The following AFF3 variants were observed in gnomAD, a reference collection of about 807,000 sequenced individuals.
The protein encoded by AFF3 is ALF transcription elongation factor 3.
A neutral mutation model predicts 129.7 loss-of-function variants in AFF3; 32 were observed. The ratio of observed to expected loss-of-function variants is 0.25; its 90% CI spans 0.19 to 0.33. The LOEUF (loss-of-function observed/expected upper bound fraction) is 0.33. Ranked by LOEUF, AFF3 falls within the 10% of genes least tolerant of loss-of-function variation. AFF3 has a pLI of 1.00. For synonymous variants in AFF3, 644 were observed against 635.4 expected (o/e 1.01, Z -0.20); for missense variants, 1,373 against 1,592.0 (o/e 0.86, Z 2.34).
chr2:99,630,945 A>G (rs1683064948), intron 13 of AFF3: 1 of 428,354 alleles, frequency 2.3e-6, no homozygotes, highest in South Asian at 1.8e-5. Flanking sequence ...AGCAGAGAAC[A>G]CAGGGTTTCA....
intron 19 of AFF3, among the ~76,000 whole-genome samples, chr2:99,566,540 G>A (rs1049244488): frequency 2.0e-5 from 3 of 152,080 alleles, no homozygotes; most frequent in African/African-American, 7.2e-5. Flanking sequence ...ACAGCAAGAC[G>A]CTGTCTCTAA....
chr2:99,656,499 T>C (rs1380441449), intron 12 of AFF3, among the ~76,000 whole-genome samples: 2 of 152,258 alleles, frequency 1.3e-5, no homozygotes, highest in African/African-American at 4.8e-5. Context: ...AAGCACACTG[T>C]AAAATTTAGA....
At chr2:99,559,304 T>C (rs981969374) in intron 21 of AFF3, among the ~76,000 whole-genome samples, 2 of 151,430 alleles carry the variant, frequency 1.3e-5, no homozygotes, top group African/African-American at 2.4e-5. Context: ...GTAGCTCTAG[T>C]ACGCAGCCTT....
At chr2:100,031,437 T>C (rs1262496164) in intron 4 of AFF3, among the ~76,000 whole-genome samples, 1 of 152,172 alleles carries the variant, frequency 6.6e-6, no homozygotes, top group Non-Finnish European at 1.5e-5. Context: ...CATATAGAAA[T>C]GTATACATAC....
intron 2 of AFF3, chr2:100,106,356 T>C (rs572820813): frequency 1.7e-6 from 2 of 1,148,850 alleles, no homozygotes; most frequent in African/African-American, 1.6e-5. Context: ...GGTAAAAACA[T>C]AGAGAATATG....
chr2:99,672,570 T>G lies in AFF3; in HGVS notation c.1111A>C (p.Lys371Gln). 1 of 1,614,174 alleles carries G rather than the reference T, an allele frequency of 6.2e-7. No homozygotes were observed. The highest frequency in any genetic ancestry group is 2.2e-5 in the East Asian group (1 of 44,890). Reference sequence around the variant, plus strand: ...TTCTCCTCTTCATCACTGCTTAGCTTAAGGTCATCTTCCAGCATTCTGAAA... The same window carrying G: ...TTCTCCTCTTCATCACTGCTTAGCTGAAGGTCATCTTCCAGCATTCTGAAA... ...SNTSMLEDDLKLSSDEEENEQ... is the reference protein window; with the variant it reads ...SNTSMLEDDLQLSSDEEENEQ... The change falls in exon 12 of 25, where the codon AAG becomes CAG. Residue 371 changes from lysine (K) to glutamine (Q), a missense_variant. Around this residue, in one of 9 missense-constraint regions of AFF3, gnomAD observed 413 missense variants for 424.4 expected, o/e 0.97. Transcript: ENST00000672756.
chr2:99,725,304 A>G (rs1229471705), intron 11 of AFF3, among the ~76,000 whole-genome samples: 1 of 151,926 alleles, frequency 6.6e-6, no homozygotes, highest in African/African-American at 2.4e-5. Context: ...GTTATAAGAA[A>G]TAAGGTACAG....
At chr2:99,810,367 G>GAT in intron 8 of AFF3, among the ~76,000 whole-genome samples, 1 of 152,192 alleles carries the variant, frequency 6.6e-6, no homozygotes. Flanking sequence ...CCATCTGAGA[G>GAT]ATAATTACAA....
chr2:99,695,938 G>GAAAAAAAA (rs10719354), intron 11 of AFF3, among the ~76,000 whole-genome samples: 380 of 57,446 alleles, frequency 6.6e-3, no homozygotes, highest in South Asian at 9.2e-3. Context: ...CTGGAAAAAT[G>GAAAAAAAA]AAAAAAAAAA....
intron 12 of AFF3, 54 bp from the exon 13 acceptor site, chr2:99,649,720 C>T (rs777256904): frequency 1.4e-5 from 23 of 1,597,414 alleles, no homozygotes; most frequent in South Asian, 7.8e-5. Context: ...TTTTGAATTA[C>T]GTGCTCAATG....
chr2:99,708,368 G>A (rs935658396), intron 11 of AFF3, among the ~76,000 whole-genome samples: 2 of 152,102 alleles, frequency 1.3e-5, no homozygotes, highest in African/African-American at 4.8e-5. Context: ...TTTTGACCCA[G>A]TAAGTTGTAC....
rs1687261359 is a variant in AFF3, at chr2:99,672,595, A to G, written c.1092-6T>C. The G allele has an allele frequency of 1.2e-6, 2 of 1,613,972 alleles. No homozygotes were observed. The highest frequency in any genetic ancestry group is 1.7e-6 in the Non-Finnish European group (2 of 1,179,898). On this transcript the variant is annotated splice_region_variant and splice_polypyrimidine_tract_variant and intron_variant, in intron 11 of 24. Coordinates refer to ENST00000672756, the MANE Select transcript of AFF3 (RefSeq NM_001386135.1). ...TAAGGTCATCTTCCAGCATTCTGAAAGAAGGAACAAAGAGGTACAAAGAGG... is the reference window on the plus strand; with the variant it reads ...TAAGGTCATCTTCCAGCATTCTGAAGGAAGGAACAAAGAGGTACAAAGAGG...
chr2:99,900,703 C>T (rs1694283810), intron 7 of AFF3, among the ~76,000 whole-genome samples: 1 of 152,146 alleles, frequency 6.6e-6, no homozygotes, highest in Non-Finnish European at 1.5e-5. Flanking sequence ...GTGGCCAGAC[C>T]AGGCCTGGGA....
chr2:99,952,473 A>G (rs1215992117), intron 7 of AFF3, among the ~76,000 whole-genome samples: 1 of 152,002 alleles, frequency 6.6e-6, no homozygotes, highest in East Asian at 1.9e-4. Flanking sequence ...TCAAGCTCCT[A>G]AACCCTCTTG....
intron 12 of AFF3, among the ~76,000 whole-genome samples, chr2:99,655,259 C>G (rs964379127): frequency 8.0e-6 from 1 of 125,192 alleles, no homozygotes; most frequent in African/African-American, 2.8e-5. Context: ...CACACACACA[C>G]ACACACAGCA....
At chr2:99,649,791 C>T (rs1023247990) in intron 12 of AFF3, 125 bp from the exon 13 acceptor site, 9 of 958,440 alleles carry the variant, frequency 9.4e-6, no homozygotes, top group Non-Finnish European at 1.5e-5. Context: ...AAATTTTAAA[C>T]GACTAGCAAT....
intron 3 of AFF3, 166 bp downstream of exon 3, chr2:100,105,338 T>G: frequency 8.2e-7 from 1 of 1,223,272 alleles, no homozygotes; most frequent in Non-Finnish European, 1.0e-6. Context: ...AACAAACCGT[T>G]TAAGGTCTCT....
chr2:99,726,257 CCA>C (rs1679351329), intron 11 of AFF3, among the ~76,000 whole-genome samples: 1 of 152,154 alleles, frequency 6.6e-6, no homozygotes, highest in African/African-American at 2.4e-5. Context: ...CAGTATTTTA[CCA>C]CAAACTGATT....
intron 8 of AFF3, among the ~76,000 whole-genome samples, chr2:99,759,942 C>T (rs892942592): frequency 4.6e-5 from 7 of 152,104 alleles, no homozygotes; most frequent in Admixed American, 2.0e-4. Flanking sequence ...GTGGACTTTA[C>T]GATCAATCAG....
Sources: allele counts gnomAD v4.1 joint callset (sites outside exome capture counted in the v4.1 genomes callset), GRCh38; gene constraint gnomAD v4.1.1; regional missense constraint gnomAD v4.1.1; transcripts MANE v1.5; gene names NCBI Gene and HGNC (gene_info 2026-07-23, HGNC 2026-07-21).